The following ANXA8 variants were observed in gnomAD, a reference collection of about 807,000 sequenced individuals.
ANXA8 encodes the protein annexin A8.
ANXA8 carries 9 observed loss-of-function variants against 26.8 expected under a neutral mutation model. That is an observed-to-expected ratio of 0.34 (90% CI 0.20 to 0.59). The LOEUF (loss-of-function observed/expected upper bound fraction) is 0.59. Ranked by LOEUF, ANXA8 falls within the 20% of genes least tolerant of loss-of-function variation. ANXA8 has a pLI of 0.84. For missense variants in ANXA8, 83 were observed against 238.5 expected (o/e 0.35, Z 4.29); for synonymous variants, 39 against 94.8 (o/e 0.41, Z 3.42).
At chr10:47,940,483 T>C in the ANXA8 span, among the ~76,000 whole-genome samples, 3 of 146,476 alleles carry the variant, frequency 2.0e-5, no homozygotes, top group South Asian at 4.3e-4. Context: ...ATACAAAGCA[T>C]GGAAACTAGA....
upstream of ANXA8, among the ~76,000 whole-genome samples, chr10:47,488,947 C>G (rs1224235162): frequency 1.4e-5 from 2 of 147,964 alleles, no homozygotes; most frequent in Non-Finnish European, 3.0e-5. Flanking sequence ...GATCTCCTGA[C>G]CTCATGATCC....
chr10:47,968,327 C>T, the ANXA8 span, among the ~76,000 whole-genome samples: 2 of 150,520 alleles, frequency 1.3e-5, no homozygotes, highest in Non-Finnish European at 3.0e-5. Flanking sequence ...TATAGGCCTC[C>T]ATTGCCACAG....
chr10:47,522,456 A>G, the ANXA8 span, among the ~76,000 whole-genome samples: 33 of 150,546 alleles, frequency 2.2e-4, no homozygotes, highest in Admixed American at 2.6e-4. Flanking sequence ...GTGACATTTT[A>G]TACCTTTCAC....
At chr10:47,680,699 TA>T in the ANXA8 span, among the ~76,000 whole-genome samples, 1 of 151,766 alleles carries the variant, frequency 6.6e-6, no homozygotes, top group South Asian at 2.1e-4. Context: ...GTTTAAAAAA[TA>T]AATTAAAAAA....
chr10:47,495,613 T>C, the ANXA8 span, among the ~76,000 whole-genome samples: 1 of 149,330 alleles, frequency 6.7e-6, no homozygotes, highest in Admixed American at 6.7e-5. Context: ...AGTGTCCCTT[T>C]TCTCCTTCTG....
At chr10:47,557,003 C>CTTTTTTT in the ANXA8 span, among the ~76,000 whole-genome samples, 25 of 113,436 alleles carry the variant, frequency 2.2e-4, no homozygotes, top group East Asian at 6.4e-4. Flanking sequence ...TATTTTCTTT[C>CTTTTTTT]TTTTTTTTTT....
chr10:47,561,519 A>G, the ANXA8 span, among the ~76,000 whole-genome samples: 117 of 151,866 alleles, frequency 7.7e-4, no homozygotes, highest in Admixed American at 3.7e-3. Flanking sequence ...TCATCTCCCC[A>G]TCACCCCCAT....
At chr10:47,573,346 G>A in the ANXA8 span, among the ~76,000 whole-genome samples, 1 of 150,172 alleles carries the variant, frequency 6.7e-6, no homozygotes, top group South Asian at 2.1e-4. Flanking sequence ...GCCCAGGCTT[G>A]TATCAAATTC....
chr10:47,765,254 TCCATGCA>T, the ANXA8 span, among the ~76,000 whole-genome samples: 1 of 145,596 alleles, frequency 6.9e-6, no homozygotes, highest in Non-Finnish European at 1.5e-5. Flanking sequence ...GACCATGTTG[TCCATGCA>T]GTACCCTGGG....
the ANXA8 span, chr10:47,565,017 G>A: frequency 5.8e-6 from 5 of 869,240 alleles, no homozygotes; most frequent in Non-Finnish European, 7.9e-6. Flanking sequence ...ATCTCCTGCT[G>A]TGCCACTATC....
At chr10:47,659,709 A>G in the ANXA8 span, among the ~76,000 whole-genome samples, 28 of 151,694 alleles carry the variant, frequency 1.8e-4, no homozygotes, top group East Asian at 3.3e-3. Context: ...TTTAGCAAAA[A>G]ATGATTTTAT....
the ANXA8 span, among the ~76,000 whole-genome samples, chr10:47,958,559 G>A: frequency 2.0e-5 from 3 of 148,110 alleles, no homozygotes; most frequent in African/African-American, 7.8e-5. Flanking sequence ...GATCCCTCGT[G>A]TGCCTTCCAC....
the ANXA8 span, among the ~76,000 whole-genome samples, chr10:47,749,077 A>G: frequency 1.3e-5 from 1 of 78,030 alleles, no homozygotes; most frequent in South Asian, 4.9e-4. Flanking sequence ...TACAAAAAAT[A>G]CAAAAGAATT....
chr10:47,687,818 C>T, the ANXA8 span, among the ~76,000 whole-genome samples: 66 of 151,880 alleles, frequency 4.3e-4, no homozygotes, highest in African/African-American at 1.2e-3. Context: ...AAGAGAGTCT[C>T]GCCAGGCACG....
At chr10:47,682,889 G>A in the ANXA8 span, among the ~76,000 whole-genome samples, 1,831 of 152,188 alleles carry the variant, frequency 0.012, 3 homozygotes, top group Non-Finnish European at 0.017. Context: ...AGAAATTCCC[G>A]TTGTATTGCA....
chr10:47,881,956 ATG>A, the ANXA8 span, among the ~76,000 whole-genome samples: 1 of 152,264 alleles, frequency 6.6e-6, no homozygotes, highest in African/African-American at 2.4e-5. Context: ...ATTTGTGTGC[ATG>A]TGTGTGGACC....
the ANXA8 span, among the ~76,000 whole-genome samples, chr10:47,652,604 A>G: frequency 1.3e-5 from 2 of 149,768 alleles, no homozygotes; most frequent in East Asian, 3.9e-4. Context: ...TGAAAAAAAA[A>G]AGATAAATTA....
chr10:47,581,762 A>G, the ANXA8 span, among the ~76,000 whole-genome samples: 121 of 134,928 alleles, frequency 9.0e-4, 6 homozygotes, highest in East Asian at 0.017. Flanking sequence ...GCCTGCCACC[A>G]TGCTAACTTT....
chr10:47,614,874 T>C, the ANXA8 span, among the ~76,000 whole-genome samples: 2 of 42,080 alleles, frequency 4.8e-5, 1 homozygote, highest in Non-Finnish European at 1.2e-4. Flanking sequence ...GTCAGGCTAG[T>C]CTCGAACTCC....
Sources: gnomAD v4.1 joint callset for allele counts (sites outside exome capture counted in the v4.1 genomes callset) on GRCh38, gnomAD v4.1.1 for gene constraint, MANE v1.5 for transcripts, NCBI Gene and HGNC (gene_info 2026-07-23, HGNC 2026-07-21) for gene names.